NTNG2: variants seen among roughly 807,000 people sequenced by gnomAD.
NTNG2 encodes netrin G2.
Under a neutral mutation model 47.6 loss-of-function variants are expected in NTNG2, and 15 were observed. That is an observed-to-expected ratio of 0.32 (90% CI 0.21 to 0.49). The LOEUF is 0.49. Among genes scored for constraint, NTNG2 ranks in the 20% least tolerant of loss-of-function variants. The pLI is 0.99. For missense variants in NTNG2, 578 were observed against 764.6 expected, an observed-to-expected ratio of 0.76 and a Z score of 2.88; for synonymous variants, 307 against 324.6, an observed-to-expected ratio of 0.95 and a Z score of 0.58.
intron 2 of NTNG2, among the ~76,000 whole-genome samples, chr9:132,167,828 C>A (rs181476703): frequency 6.6e-6 from 1 of 152,146 alleles, no homozygotes; most frequent in Non-Finnish European, 1.5e-5. Flanking sequence ...GTGGGCCGAG[C>A]CTGATGCCAT....
rs1481969498 is a variant in NTNG2, at chr9:132,197,819, C to T, written c.214-147C>T. The stretch of plus-strand genomic sequence containing the variant: ...CATTGAGGAAATGGGCACAAATCTC[C>T]CAGCTGTGTCTGGGCACCGGAGCAC... On this transcript the variant is annotated intron_variant, in intron 2 of 7. Transcript: ENST00000393229. This position sits in a 1 kb window ranked among gnomAD's most constrained non-coding sequence, Gnocchi z 4.3. 2.8e-6 allele frequency: 2 copies of T among 721,632 alleles called. No individual in the cohort carries two copies. The highest frequency in any genetic ancestry group is 2.2e-6 in the Non-Finnish European group (1 of 446,730). The allele number at this position is 721,632 out of a possible 1,614,324, so 44.7% of individuals were successfully genotyped here.
intron 2 of NTNG2, among the ~76,000 whole-genome samples, chr9:132,178,531 C>T (rs572835744): frequency 2.0e-5 from 3 of 152,194 alleles, no homozygotes; most frequent in Admixed American, 6.5e-5. Flanking sequence ...AAATTGACTG[C>T]GCCCAGGAAA....
intron 2 of NTNG2, among the ~76,000 whole-genome samples, chr9:132,186,004 G>A (rs544836911): frequency 6.6e-6 from 1 of 152,134 alleles, no homozygotes; most frequent in Non-Finnish European, 1.5e-5. Flanking sequence ...AGCCTCACCC[G>A]GCCTCCCTCT....
intron 6 of NTNG2, 41 bp from the exon 7 acceptor site, chr9:132,240,869 C>A (rs567663838): frequency 6.2e-7 from 1 of 1,612,084 alleles, no homozygotes; most frequent in East Asian, 2.2e-5. Flanking sequence ...ACGGCGCCCA[C>A]ACGTAGCCCT....
chr9:132,223,978 C>T (rs574092430), intron 3 of NTNG2, among the ~76,000 whole-genome samples: 2 of 152,304 alleles, frequency 1.3e-5, no homozygotes, highest in African/African-American at 4.8e-5. Context: ...TTTCCTCATG[C>T]TCTTGCCTCT....
At chr9:132,240,789 G>A in intron 6 of NTNG2, 121 bp from the exon 7 acceptor site, 2 of 1,474,502 alleles carry the variant, frequency 1.4e-6, no homozygotes, top group Non-Finnish European at 1.8e-6. Flanking sequence ...CGTGGACCCA[G>A]TGTGGGGAGC....
chr9:132,229,610 T>C (rs1841045224), intron 4 of NTNG2, among the ~76,000 whole-genome samples: 1 of 152,186 alleles, frequency 6.6e-6, no homozygotes. Context: ...GGCCCTTGCT[T>C]ACTGTGGCTG....
In NTNG2 at chr9:132,195,176, C is replaced by G. The variant is rs1449174218; in HGVS notation, c.214-2790C>G. Among the ~76,000 whole-genome samples the G allele has an allele frequency of 2.6e-5, 4 of 152,164 alleles. No homozygotes were observed. In the East Asian group the frequency reaches 7.7e-4, roughly 29 times the overall value. On this transcript the variant is annotated intron_variant, in intron 2 of 7. Coordinates refer to ENST00000393229, the MANE Select transcript of NTNG2 (RefSeq NM_032536.4). ...AGTTTTAGATTTACAGAAAATTGAG[C>G]AGATAGTACAGAAAGTACCTAAAAC...
intron 2 of NTNG2, among the ~76,000 whole-genome samples, chr9:132,174,687 T>C (rs1836275947): frequency 6.6e-6 from 1 of 152,264 alleles, no homozygotes; most frequent in South Asian, 2.1e-4. Flanking sequence ...TGTGAGAGGC[T>C]GAGGTGGGCG....
Position 132,239,285 on chromosome 9 carries a change from G to A in NTNG2, c.1222+14G>A. 1 of 1,613,192 alleles carries A rather than the reference G, an allele frequency of 6.2e-7. No individual in the cohort carries two copies. The highest frequency in any genetic ancestry group is 1.1e-5 in the South Asian group (1 of 91,046). On this transcript the variant is annotated intron_variant, in intron 6 of 7. Coordinates refer to ENST00000393229, the MANE Select transcript of NTNG2 (RefSeq NM_032536.4). ...ACGTCTGCATTGGTGAGAGGGCACG[G>A]ACACGGCACAGGGAACTTGCTGGAA...
chr9:132,179,639 G>C (rs1836777738), intron 2 of NTNG2, among the ~76,000 whole-genome samples: 1 of 152,248 alleles, frequency 6.6e-6, no homozygotes, highest in Admixed American at 6.5e-5. Flanking sequence ...CCATGCACCG[G>C]TGGCAATTCA....
rs1156733400 is a variant in NTNG2 at position 132,163,088 on chromosome 9, G to A, written c.-484+849G>A. Among the ~76,000 whole-genome samples, 3 of 152,200 alleles carry A rather than the reference G, an allele frequency of 2.0e-5. No homozygotes were observed. Among genetic ancestry groups the A allele is most frequent in the Admixed American group, 6.5e-5 (1 of 15,286 alleles). ...GCCCTGCTCTGTGTCTTTTAATTAAGAGAGGCAGTGCCGAAAAAGGGGGCG... is the reference window on the plus strand; with the variant it reads ...GCCCTGCTCTGTGTCTTTTAATTAAAAGAGGCAGTGCCGAAAAAGGGGGCG... On this transcript the variant is annotated intron_variant, in intron 1 of 7. Coordinates refer to ENST00000393229, the MANE Select transcript of NTNG2 (RefSeq NM_032536.4). The surrounding 1 kb of genome is among the most constrained non-coding windows in gnomAD (Gnocchi z 7.2).
At chr9:132,168,091 A>T (rs1835629168) in intron 2 of NTNG2, among the ~76,000 whole-genome samples, 1 of 152,204 alleles carries the variant, frequency 6.6e-6, no homozygotes, top group South Asian at 2.1e-4. Flanking sequence ...TTCTGGTCAT[A>T]CAGGTGGGGT....
chr9:132,214,135 C>T (rs906399235), intron 3 of NTNG2, among the ~76,000 whole-genome samples: 2 of 152,272 alleles, frequency 1.3e-5, no homozygotes, highest in African/African-American at 2.4e-5. Context: ...CCGCTTCCTC[C>T]GTCATTCCCC....
chr9:132,235,429 TAA>T (rs1490511305), intron 5 of NTNG2, among the ~76,000 whole-genome samples: 1 of 152,208 alleles, frequency 6.6e-6, no homozygotes, highest in African/African-American at 2.4e-5. Context: ...TATCGGGCTT[TAA>T]GTCTGCATGT....
At chr9:132,179,974 G>A (rs865887066) in intron 2 of NTNG2, among the ~76,000 whole-genome samples, 2 of 151,788 alleles carry the variant, frequency 1.3e-5, no homozygotes, top group Middle Eastern at 3.4e-3. Flanking sequence ...CCAGGTGTGT[G>A]GATCCCTGTG....
At position 132,215,157 on chromosome 9, in the gene NTNG2, G is replaced by C. The variant is rs888467475; in HGVS notation, c.858-11692G>C. ...GTAATCCTCCTGCCTGGGCCTCCCA[G>C]AGTGCCCAGATTACACGCATGAGCC... On this transcript the variant is annotated intron_variant, in intron 3 of 7. Transcript: ENST00000393229. The surrounding 1 kb of genome is among the most constrained non-coding windows in gnomAD (Gnocchi z 4.2). Among the ~76,000 whole-genome samples, 2 of 151,860 alleles carry C rather than the reference G, an allele frequency of 1.3e-5. No homozygotes were observed. The highest frequency in any genetic ancestry group is 4.8e-5 in the African/African-American group (2 of 41,302).
Position 132,216,414 on chromosome 9 carries a change from C to CTCTCTCTCTCTGTGTGTGTGTG in NTNG2, c.858-10434_858-10433insCTCTCTCTCTGTGTGTGTGTGT, listed in dbSNP as rs1554790515. Among the ~76,000 whole-genome samples the CTCTCTCTCTCTGTGTGTGTGTG allele has an allele frequency of 2.2e-4, 24 of 110,332 alleles. 1 individual carries two copies. Among genetic ancestry groups the CTCTCTCTCTCTGTGTGTGTGTG allele is most frequent in the African/African-American group, 1.2e-3 (24 of 20,550 alleles). 72.4% of individuals were successfully genotyped at this position (110,332 alleles called of 152,430 possible). ...TCTCTCTCTCTCTCTCTCTCTCTCT[C>CTCTCTCTCTCTGTGTGTGTGTG]TGTGTGTGTGTGTATGTGTGTGTGT... is the stretch of plus-strand genomic sequence containing the variant. On this transcript the variant is annotated intron_variant, in intron 3 of 7. Transcript: ENST00000393229.
At chr9:132,185,306 G>A (rs1162779103) in intron 2 of NTNG2, among the ~76,000 whole-genome samples, 3 of 152,210 alleles carry the variant, frequency 2.0e-5, no homozygotes, top group Admixed American at 1.3e-4. Context: ...AGCTCTCAGA[G>A]AAGAGGAGAG....
Sources: gnomAD v4.1 joint callset for allele counts (sites outside exome capture counted in the v4.1 genomes callset) on GRCh38, gnomAD v4.1.1 for gene constraint, Gnocchi (gnomAD v3.1) non-coding constraint, MANE v1.5 for transcripts, NCBI Gene and HGNC (gene_info 2026-07-23, HGNC 2026-07-21) for gene names.